DTD1: variants seen among roughly 807,000 people sequenced by gnomAD.
DTD1 encodes the protein D-aminoacyl-tRNA deacylase 1.
Under a neutral mutation model 25.6 loss-of-function variants are expected in DTD1, and 13 were observed. The observed-to-expected ratio is 0.51, with a 90% CI of 0.33 to 0.81. The LOEUF (loss-of-function observed/expected upper bound fraction) is 0.81, where lower values mean the gene tolerates loss of function less well. Among genes scored for constraint, DTD1 ranks in the 30% least tolerant of loss-of-function variants. DTD1 has a pLI of 0.02. For synonymous variants in DTD1, 110 were observed against 103.6 expected, an observed-to-expected ratio of 1.06 and a Z score of -0.37; for missense variants, 193 against 266.4, an observed-to-expected ratio of 0.72 and a Z score of 1.92.
At chr20:18,610,482 C>CTCAT (rs1419214639) in intron 3 of DTD1, among the ~76,000 whole-genome samples, 1 of 152,176 alleles carries the variant, frequency 6.6e-6, no homozygotes, top group Non-Finnish European at 1.5e-5. Flanking sequence ...AGAATTTAAG[C>CTCAT]TCATGGTGTA....
intron 4 of DTD1, among the ~76,000 whole-genome samples, chr20:18,732,116 C>T (rs1426839498): frequency 6.6e-6 from 1 of 152,188 alleles, no homozygotes; most frequent in Non-Finnish European, 1.5e-5. Context: ...TACAATAATT[C>T]TTCACTGTTC....
At chr20:18,615,866 C>G (rs1242029391) in intron 3 of DTD1, among the ~76,000 whole-genome samples, 7 of 152,188 alleles carry the variant, frequency 4.6e-5, no homozygotes, top group African/African-American at 1.7e-4. Context: ...CCGTGCCTCT[C>G]CCGCTTCATA....
intron 4 of DTD1, among the ~76,000 whole-genome samples, chr20:18,718,226 G>C (rs1427063017): frequency 6.6e-6 from 1 of 152,214 alleles, no homozygotes; most frequent in African/African-American, 2.4e-5. Flanking sequence ...ATAAAAAGCT[G>C]GAGATCTATG....
chr20:18,653,245 T>C (rs573518383), intron 4 of DTD1, among the ~76,000 whole-genome samples: 2 of 152,264 alleles, frequency 1.3e-5, no homozygotes, highest in Non-Finnish European at 2.9e-5. Context: ...CTATAAAAAA[T>C]TAGCTGGGTA....
chr20:18,708,207 T>TAAATATATATTACATATATA (rs1371286340), intron 4 of DTD1, among the ~76,000 whole-genome samples: 1 of 6,864 alleles, frequency 1.5e-4, no homozygotes, highest in Non-Finnish European at 6.6e-4. Context: ...ATATATATAT[T>TAAATATATATTACATATATA]TTATATATAT....
chr20:18,698,284 G>A (rs960254366), intron 4 of DTD1, among the ~76,000 whole-genome samples: 42 of 152,136 alleles, frequency 2.8e-4, no homozygotes, highest in African/African-American at 8.5e-4. Flanking sequence ...AGAGTCTGTC[G>A]AACCCCTATG....
chr20:18,628,670 T>C (rs2295573), intron 4 of DTD1, among the ~76,000 whole-genome samples: 77,619 of 152,122 alleles, frequency 0.51, 20,187 homozygotes, highest in Middle Eastern at 0.56. Context: ...TCTAAAGCAG[T>C]GTCTGACCTG....
At chr20:18,688,008 C>T (rs1222141411) in intron 4 of DTD1, among the ~76,000 whole-genome samples, 3 of 152,196 alleles carry the variant, frequency 2.0e-5, no homozygotes, top group Non-Finnish European at 2.9e-5. Context: ...TCTCCCTTCA[C>T]CATTCATCAA....
intron 4 of DTD1, among the ~76,000 whole-genome samples, chr20:18,666,873 C>T (rs535137065): frequency 1.3e-5 from 2 of 152,268 alleles, no homozygotes; most frequent in East Asian, 3.9e-4. Flanking sequence ...TAGTTTCCAA[C>T]CCCTATAAAT....
rs879846399 is a variant in DTD1, at chr20:18,632,151, A to G, written c.477+3918A>G. ...GAGCATCATGCTGTACACCTTATAC[A>G]ATAAATCCCTCTCCCCAAATCAAAA... On this transcript the variant is annotated intron_variant, in intron 4 of 5. Coordinates refer to ENST00000377452, the MANE Select transcript of DTD1 (RefSeq NM_080820.6). 6.1e-6 allele frequency: 6 copies of G among 985,026 alleles called. No homozygotes were observed. The Admixed American group carries it at 2.5e-4, about 40-fold the overall frequency. 61.0% of individuals were successfully genotyped at this position (985,026 alleles called of 1,614,324 possible).
At chr20:18,609,564 T>C (rs1413303565) in intron 3 of DTD1, among the ~76,000 whole-genome samples, 1 of 152,164 alleles carries the variant, frequency 6.6e-6, no homozygotes, top group African/African-American at 2.4e-5. Context: ...ATTTTTGAAA[T>C]TTTTTTGAAG....
intron 4 of DTD1, among the ~76,000 whole-genome samples, chr20:18,698,035 T>G (rs1474527487): frequency 6.6e-6 from 1 of 152,250 alleles, no homozygotes; most frequent in Non-Finnish European, 1.5e-5. Context: ...ATCTTTATTC[T>G]GATAATACTT....
chr20:18,591,901 T>A (rs2060590938), intron 1 of DTD1, among the ~76,000 whole-genome samples: 1 of 152,154 alleles, frequency 6.6e-6, no homozygotes, highest in Non-Finnish European at 1.5e-5. Context: ...CAAAGGACAA[T>A]AAGTCACACA....
At chr20:18,596,313 A>T in intron 3 of DTD1, 72 bp downstream of exon 3, 1 of 1,258,344 alleles carries the variant, frequency 7.9e-7, no homozygotes, top group Non-Finnish European at 1.1e-6. Flanking sequence ...AGAAGCTGCA[A>T]CTGCAGCATC....
At chr20:18,588,213 T>G in intron 1 of DTD1, 98 bp downstream of exon 1, 2 of 1,077,618 alleles carry the variant, frequency 1.9e-6, no homozygotes, top group Non-Finnish European at 1.2e-6. Flanking sequence ...TTGGGGCCGC[T>G]GCGGCCCCTC....
At chr20:18,641,262 T>A (rs1170491036) in intron 4 of DTD1, among the ~76,000 whole-genome samples, 1 of 152,246 alleles carries the variant, frequency 6.6e-6, no homozygotes, top group African/African-American at 2.4e-5. Context: ...ACTTGGGTTG[T>A]TTCCACTTTT....
intron 4 of DTD1, among the ~76,000 whole-genome samples, chr20:18,662,751 T>TC (rs895569094): frequency 1.4e-4 from 21 of 147,362 alleles, no homozygotes; most frequent in Admixed American, 1.4e-3. Flanking sequence ...TCCCCCCTCC[T>TC]TTTTTTTTTG....
chr20:18,746,882 A>G (rs566629959), intron 5 of DTD1, among the ~76,000 whole-genome samples: 2 of 152,088 alleles, frequency 1.3e-5, no homozygotes, highest in South Asian at 2.1e-4. Context: ...TTCCCTCATC[A>G]CTGTGTTTTC....
Position 18,609,762 on chromosome 20 carries a change from C to T in DTD1, c.370+13521C>T, listed in dbSNP as rs554391638. 1.5e-4 allele frequency among the ~76,000 whole-genome samples: 23 copies of T among 152,274 alleles called. No homozygotes were observed. The South Asian group carries it at 4.8e-3, about 32-fold the overall frequency. On this transcript the variant is annotated intron_variant, in intron 3 of 5. Coordinates refer to ENST00000377452, the MANE Select transcript of DTD1 (RefSeq NM_080820.6). Reference sequence around the variant, plus strand: ...CATTCCCACCTTAATTCAAATCCCACTCTTACTTGGGTTCTGATAGAGCAG... The same window carrying T: ...CATTCCCACCTTAATTCAAATCCCATTCTTACTTGGGTTCTGATAGAGCAG...
Sources: gnomAD v4.1 joint callset for allele counts (sites outside exome capture counted in the v4.1 genomes callset) on GRCh38, gnomAD v4.1.1 for gene constraint, MANE v1.5 for transcripts, NCBI Gene and HGNC (gene_info 2026-07-23, HGNC 2026-07-21) for gene names.